MYO1E: variants seen among roughly 807,000 people sequenced by gnomAD.
The protein encoded by MYO1E is myosin IE, also known as unconventional myosin-Ie.
Under a neutral mutation model 151.1 loss-of-function variants are expected in MYO1E, and 68 were observed. The observed-to-expected ratio is 0.45, with a 90% CI of 0.37 to 0.55. The LOEUF (loss-of-function observed/expected upper bound fraction) is 0.55, where lower values mean the gene tolerates loss of function less well. Among genes scored for constraint, MYO1E ranks in the 20% least tolerant of loss-of-function variants. The probability of loss-of-function intolerance (pLI) is 0.00; values close to 1 mark genes in which losing one functional copy is unlikely to be tolerated. For missense variants in MYO1E, 1,363 were observed against 1,389.3 expected (o/e 0.98, Z 0.30); for synonymous variants, 601 against 501.7 (o/e 1.20, Z -2.64).
chr15:59,283,693 C>G (rs1312581701), intron 1 of MYO1E, among the ~76,000 whole-genome samples: 1 of 152,206 alleles, frequency 6.6e-6, no homozygotes, highest in Non-Finnish European at 1.5e-5. Context: ...TACAACTTCA[C>G]GAGGCAGGAA....
At chr15:59,187,234 A>G (rs2079703989) in intron 18 of MYO1E, among the ~76,000 whole-genome samples, 1 of 152,260 alleles carries the variant, frequency 6.6e-6, no homozygotes, top group Non-Finnish European at 1.5e-5. Context: ...AATTATTATT[A>G]CAATGCAATG....
At chr15:59,268,720 A>ATGTTTTTTTTTTTTTTTTTT (rs2080271280) in intron 2 of MYO1E, among the ~76,000 whole-genome samples, 1 of 44,906 alleles carries the variant, frequency 2.2e-5, no homozygotes, top group African/African-American at 5.8e-5. Flanking sequence ...TGACTTTGGT[A>ATGTTTTTTTTTTTTTTTTTT]TTTTTTTTTT....
intron 2 of MYO1E, chr15:59,266,837 A>AT (rs1451070292): frequency 3.5e-5 from 5 of 144,568 alleles, no homozygotes; most frequent in Non-Finnish European, 6.1e-5. Flanking sequence ...AATTTTTTAC[A>AT]TTTTTAGTAG....
At chr15:59,273,128 C>T (rs967019491) in intron 1 of MYO1E, among the ~76,000 whole-genome samples, 15 of 152,212 alleles carry the variant, frequency 9.9e-5, no homozygotes, top group Non-Finnish European at 1.8e-4. Context: ...AACGAGATCA[C>T]GGAACATGCC....
chr15:59,138,706 T>G (rs76060436), intron 26 of MYO1E, among the ~76,000 whole-genome samples: 5,713 of 152,216 alleles, frequency 0.038, 163 homozygotes, highest in Non-Finnish European at 0.053. Flanking sequence ...TGTCCCTCCT[T>G]CCTCAAGTTT....
intron 1 of MYO1E, among the ~76,000 whole-genome samples, chr15:59,315,191 A>AT (rs1320556712): frequency 2.6e-5 from 4 of 152,014 alleles, no homozygotes; most frequent in Non-Finnish European, 4.4e-5. Context: ...ACAGACCATG[A>AT]TTTTTTTAAG....
chr15:59,144,680 C>T lies in MYO1E; in HGVS notation c.3081-6313G>A, dbSNP rs79277787. 5.9e-5 allele frequency among the ~76,000 whole-genome samples: 9 copies of T among 152,234 alleles called. No homozygotes were observed. In the East Asian group the frequency reaches 9.7e-4, roughly 16 times the overall value. ...CACAGGAAATCTGTGTCAACGAAGC[C>T]GTCACAATCTCTACGATTCACCAGA... On this transcript the variant is annotated intron_variant, in intron 26 of 27. Coordinates refer to ENST00000288235, the MANE Select transcript of MYO1E (RefSeq NM_004998.4).
At chr15:59,141,420 A>G (rs142884156) in intron 26 of MYO1E, among the ~76,000 whole-genome samples, 1 of 152,378 alleles carries the variant, frequency 6.6e-6, no homozygotes, top group African/African-American at 2.4e-5. Context: ...GATTACTTAT[A>G]ATACTTAATA....
chr15:59,300,889 A>T, intron 1 of MYO1E, among the ~76,000 whole-genome samples: 1 of 119,754 alleles, frequency 8.4e-6, no homozygotes, highest in Non-Finnish European at 1.7e-5. Context: ...TTTTTTTGAG[A>T]CAGAGTATTG....
At chr15:59,285,350 C>CTTTTTTTTTTTTTTTTTTT in intron 1 of MYO1E, among the ~76,000 whole-genome samples, 1 of 74,054 alleles carries the variant, frequency 1.4e-5, no homozygotes, top group Non-Finnish European at 2.4e-5. Context: ...GACACTGTCT[C>CTTTTTTTTTTTTTTTTTTT]TTTTTTTTTT....
intron 21 of MYO1E, among the ~76,000 whole-genome samples, chr15:59,172,471 GCCATT>G (rs1251693551): frequency 3.3e-5 from 5 of 152,174 alleles, no homozygotes; most frequent in Non-Finnish European, 5.9e-5. Flanking sequence ...CTGTTGAGAG[GCCATT>G]CCATTCATCA....
chr15:59,368,661 G>A (rs1488422490), intron 1 of MYO1E, among the ~76,000 whole-genome samples: 6 of 151,920 alleles, frequency 3.9e-5, no homozygotes, highest in African/African-American at 7.3e-5. Flanking sequence ...CAGGAGAATC[G>A]TTTGAAACCG....
intron 18 of MYO1E, among the ~76,000 whole-genome samples, chr15:59,178,824 T>C (rs1467293426): frequency 6.6e-6 from 1 of 152,150 alleles, no homozygotes. Context: ...TGTCTGAAAA[T>C]AGCATTGTGG....
intron 26 of MYO1E, 100 bp downstream of exon 26, chr15:59,153,490 G>A (rs1824920618): frequency 1.5e-6 from 2 of 1,340,766 alleles, no homozygotes; most frequent in African/African-American, 2.9e-5. Context: ...CTAAACCTTA[G>A]AATCCTGTGT....
chr15:59,311,016 T>C (rs1596411633), intron 1 of MYO1E, among the ~76,000 whole-genome samples: 1 of 151,994 alleles, frequency 6.6e-6, no homozygotes, highest in East Asian at 1.9e-4. Flanking sequence ...CCCCCTCCAC[T>C]TCCCTGCCTG....
intron 4 of MYO1E, among the ~76,000 whole-genome samples, chr15:59,255,397 T>C (rs2080188401): frequency 6.6e-6 from 1 of 152,056 alleles, no homozygotes; most frequent in South Asian, 2.1e-4. Flanking sequence ...AGAATTTTAT[T>C]TTATTATTTT....
chr15:59,231,676 C>T (rs753475265), intron 6 of MYO1E, 26 bp downstream of exon 6: 7 of 1,608,694 alleles, frequency 4.4e-6, no homozygotes, highest in Non-Finnish European at 6.0e-6. Flanking sequence ...TCAAGCGACA[C>T]TCTCTGAAAC....
chr15:59,256,550 A>G (rs917030456), intron 3 of MYO1E, among the ~76,000 whole-genome samples, 172 bp from the exon 4 acceptor site: 4 of 152,160 alleles, frequency 2.6e-5, no homozygotes, highest in African/African-American at 9.7e-5. Flanking sequence ...TGATACAAGA[A>G]TTCATAAAAC....
intron 3 of MYO1E, among the ~76,000 whole-genome samples, chr15:59,257,355 C>A (rs2080199482): frequency 6.6e-6 from 1 of 152,116 alleles, no homozygotes; most frequent in Admixed American, 6.6e-5. Flanking sequence ...GCAGTCCTAG[C>A]TACTTGGGAG....
Sources: gnomAD v4.1 joint callset for allele counts (sites outside exome capture counted in the v4.1 genomes callset) on GRCh38, gnomAD v4.1.1 for gene constraint, MANE v1.5 for transcripts, NCBI Gene and HGNC (gene_info 2026-07-23, HGNC 2026-07-21) for gene names.